Variants in NEK1 observed in about 807,000 individuals in gnomAD.
The protein encoded by NEK1 is NIMA related kinase 1, also known as serine/threonine-protein kinase Nek1.
NEK1 carries 137 observed loss-of-function variants against 182.1 expected under a neutral mutation model. The ratio of observed to expected loss-of-function variants is 0.75; its 90% confidence interval spans 0.65 to 0.87. NEK1 has a LOEUF of 0.87. NEK1 is among the 40% of genes least tolerant of loss of function. NEK1 has a pLI of 0.00. For synonymous variants in NEK1, 513 were observed against 492.2 expected, an observed-to-expected ratio of 1.04 and a Z score of -0.56; for missense variants, 1,391 against 1,494.4, an observed-to-expected ratio of 0.93 and a Z score of 1.14.
chr4:169,420,416 AT>A (rs1463030181), intron 31 of NEK1, among the ~76,000 whole-genome samples: 1 of 152,252 alleles, frequency 6.6e-6, no homozygotes, highest in Non-Finnish European at 1.5e-5. Context: ...GTTGTCAAGC[AT>A]TAGGTACTGT....
rs547470112 is a variant in NEK1 at position 169,430,841 on chromosome 4, GA to G, written c.2885+2703del. Among the ~76,000 whole-genome samples the G allele has an allele frequency of 4.1e-3, 605 of 147,654 alleles. 4 individuals carry two copies. The highest frequency in any genetic ancestry group is 0.03 in the South Asian group (141 of 4,624). On this transcript the variant is annotated intron_variant, in intron 29 of 35. Coordinates refer to ENST00000507142, the MANE Select transcript of NEK1 (RefSeq NM_001199397.3). ...TAAAAATATCACTTGTCAGGAATAA[GA>G]AAAAAAAAATTGTTGGGGGTGGGGA...
chr4:169,407,001 C>A (rs980020070), intron 31 of NEK1, among the ~76,000 whole-genome samples: 2 of 151,890 alleles, frequency 1.3e-5, no homozygotes, highest in Admixed American at 6.6e-5. Flanking sequence ...TCTTTTTTCA[C>A]AGGAAACTAA....
At chr4:169,451,054 G>A (rs1357531739) in intron 27 of NEK1, among the ~76,000 whole-genome samples, 1 of 152,092 alleles carries the variant, frequency 6.6e-6, no homozygotes, top group African/African-American at 2.4e-5. Context: ...ATTACATAAT[G>A]GTAAAGGGAT....
chr4:169,448,149 G>A (rs1740944401), intron 27 of NEK1, among the ~76,000 whole-genome samples: 1 of 151,816 alleles, frequency 6.6e-6, no homozygotes, highest in African/African-American at 2.4e-5. Context: ...GATCACCTGA[G>A]CCAGAAGGTG....
chr4:169,401,523 G>C, intron 33 of NEK1, 129 bp downstream of exon 33: 1 of 577,276 alleles, frequency 1.7e-6, no homozygotes, highest in Non-Finnish European at 2.8e-6. Flanking sequence ...AAAAAGGGGA[G>C]AGACCCAGAG....
chr4:169,481,879 TA>T (rs1397739267), intron 23 of NEK1, among the ~76,000 whole-genome samples: 1 of 152,242 alleles, frequency 6.6e-6, no homozygotes, highest in Non-Finnish European at 1.5e-5. Flanking sequence ...TGAAGCCAGG[TA>T]TTGACTTCTC....
chr4:169,444,210 CAACA>C (rs1306142425), intron 27 of NEK1, among the ~76,000 whole-genome samples: 3 of 151,810 alleles, frequency 2.0e-5, no homozygotes, highest in African/African-American at 7.3e-5. Flanking sequence ...AAGAAAAGAA[CAACA>C]AATATACAAA....
intron 27 of NEK1, among the ~76,000 whole-genome samples, chr4:169,455,956 T>C (rs1297877946): frequency 6.6e-6 from 1 of 152,192 alleles, no homozygotes; most frequent in Admixed American, 6.5e-5. Context: ...ATAGAACATA[T>C]GTTAGATCAC....
chr4:169,404,190 AT>A (rs1351489861), intron 32 of NEK1, among the ~76,000 whole-genome samples: 1 of 152,150 alleles, frequency 6.6e-6, no homozygotes. Context: ...TTTGTCAACA[AT>A]AAAAATCCTG....
chr4:169,434,156 C>T (rs1319971189), intron 28 of NEK1, among the ~76,000 whole-genome samples: 2 of 147,208 alleles, frequency 1.4e-5, no homozygotes, highest in East Asian at 2.0e-4. Context: ...ATATTGAGAA[C>T]ATAATTGAAT....
chr4:169,433,694 T>C (rs1395982431), intron 28 of NEK1, 29 bp from the exon 29 acceptor site: 3 of 1,606,828 alleles, frequency 1.9e-6, no homozygotes, highest in Non-Finnish European at 8.5e-7. Context: ...ACGAGAGACA[T>C]CTCAAAGCAA....
intron 16 of NEK1, among the ~76,000 whole-genome samples, chr4:169,556,916 A>G (rs950034161): frequency 6.6e-6 from 1 of 152,184 alleles, no homozygotes; most frequent in African/African-American, 2.4e-5. Flanking sequence ...AGAGGAAGGA[A>G]GTATGATGAC....
At chr4:169,427,167 C>A (rs1736537728) in intron 29 of NEK1, among the ~76,000 whole-genome samples, 1 of 152,034 alleles carries the variant, frequency 6.6e-6, no homozygotes, top group East Asian at 1.9e-4. Flanking sequence ...CACTGTGTTG[C>A]CCAGGCTGGA....
intron 5 of NEK1, among the ~76,000 whole-genome samples, chr4:169,595,922 CAAA>C (rs56313001): frequency 3.0e-5 from 2 of 67,198 alleles, no homozygotes; most frequent in South Asian, 6.0e-4. Context: ...GACTCCACCT[CAAA>C]AAAAAAAAAA....
rs774554730 is a variant in NEK1 at position 169,479,454 on chromosome 4, T to C, written c.2088A>G (p.Gln696=). ...QHETGGSPSK[Q]QMRSVISVTS... ...TTACAGAAATAACAGATCTCATCTG[T>C]TGCTTTGATGGAGAGCCACCTGTTT... Residue 696 remains glutamine (Q), a synonymous_variant, in exon 24 of 36, where the codon CAA becomes CAG. Transcript: ENST00000507142. 1.2e-6 allele frequency: 2 copies of C among 1,612,460 alleles called. No homozygotes were observed. Among genetic ancestry groups the C allele is most frequent in the African/African-American group, 1.3e-5 (1 of 75,004 alleles).
chr4:169,469,194 C>T (rs1415544810), intron 26 of NEK1, among the ~76,000 whole-genome samples: 3 of 151,962 alleles, frequency 2.0e-5, no homozygotes, highest in Admixed American at 6.6e-5. Context: ...TTCTCTAGTT[C>T]TTTTAATTGT....
At position 169,580,755 on chromosome 4, in the gene NEK1, C is replaced by T. The variant is rs76478554; in HGVS notation, c.868+87G>A. On this transcript the variant is annotated intron_variant, in intron 11 of 35. Coordinates refer to ENST00000507142, the MANE Select transcript of NEK1 (RefSeq NM_001199397.3). ...GATTAAATTTATCCTAGAATTATCC[C>T]AACTTACTACATCTACATATATTTC... 1,503 of 789,524 alleles carry T rather than the reference C, an allele frequency of 1.9e-3. 16 individuals are homozygous for T. In the African/African-American group the frequency reaches 0.024, roughly 12 times the overall value. The allele number at this position is 789,524 out of a possible 1,614,324, so 48.9% of individuals were successfully genotyped here. A position where few individuals can be genotyped will look rare whatever the true frequency, so the allele number is the denominator to read the frequency against.
chr4:169,594,374 T>C (rs1769083062), intron 5 of NEK1, among the ~76,000 whole-genome samples: 1 of 152,196 alleles, frequency 6.6e-6, no homozygotes, highest in African/African-American at 2.4e-5. Context: ...TGCCAAACAT[T>C]ATACTAATGG....
At chr4:169,567,058 ATGGCTTGAGTGTAG>A in intron 12 of NEK1, among the ~76,000 whole-genome samples, 1 of 152,020 alleles carries the variant, frequency 6.6e-6, no homozygotes, top group East Asian at 1.9e-4. Flanking sequence ...CCACTGCACT[ATGGCTTGAGTGTAG>A]TGAAGGTCCT....
Sources: allele counts gnomAD v4.1 joint callset (sites outside exome capture counted in the v4.1 genomes callset), GRCh38; gene constraint gnomAD v4.1.1; transcripts MANE v1.5; gene names NCBI Gene and HGNC (gene_info 2026-07-23, HGNC 2026-07-21).